The following SVOP variants were observed in gnomAD, a reference collection of about 807,000 sequenced individuals.
The protein encoded by SVOP is SV2 related protein.
A neutral mutation model predicts 69.1 loss-of-function variants in SVOP; 17 were observed. The observed-to-expected ratio is 0.25, with a 90% CI of 0.17 to 0.37. SVOP has a LOEUF of 0.37. Ranked by LOEUF, SVOP falls within the 10% of genes least tolerant of loss-of-function variation. The pLI, the probability that SVOP is intolerant of heterozygous loss-of-function variation, is 1.00. For synonymous variants in SVOP, 238 were observed against 238.6 expected (o/e 1.00, Z 0.02); for missense variants, 435 against 597.5 (o/e 0.73, Z 2.84).
chr12:109,019,384 A>G (rs1484397152), intron 1 of SVOP, among the ~76,000 whole-genome samples: 1 of 152,194 alleles, frequency 6.6e-6, no homozygotes, highest in Non-Finnish European at 1.5e-5. Context: ...TCATATACAC[A>G]TGAATCTTTG....
rs2039944479 is a variant in SVOP, at chr12:108,949,758, A to G, written c.579-4592T>C. On this transcript the variant is annotated intron_variant, in intron 6 of 15. Coordinates refer to ENST00000610966, the MANE Select transcript of SVOP (RefSeq NM_018711.5). ...GTCAGCGTTCCACCCAAACATCCCC[A>G]TTCTTAGCATGTCCACGCATGCCAG... Among the ~76,000 whole-genome samples the G allele has an allele frequency of 2.7e-5, 4 of 148,594 alleles. No homozygotes were observed. In the South Asian group the frequency reaches 8.5e-4, roughly 31 times the overall value.
intron 1 of SVOP, among the ~76,000 whole-genome samples, chr12:109,009,973 C>T (rs573409589): frequency 3.4e-4 from 51 of 151,910 alleles, no homozygotes; most frequent in African/African-American, 1.2e-3. Flanking sequence ...AATAATTACA[C>T]CAGCCTGGGC....
intron 1 of SVOP, among the ~76,000 whole-genome samples, chr12:108,987,809 T>C (rs1161142698): frequency 6.6e-6 from 1 of 152,228 alleles, no homozygotes; most frequent in Non-Finnish European, 1.5e-5. Context: ...CTTGTACTTC[T>C]TTCTGTATTC....
intron 5 of SVOP, among the ~76,000 whole-genome samples, chr12:108,971,676 A>G (rs145029854): frequency 3.9e-5 from 6 of 152,292 alleles, no homozygotes; most frequent in Non-Finnish European, 7.4e-5. Context: ...GAGAAGTGAG[A>G]CAGGGAAGGG....
chr12:108,915,172 CAAAAA>C (rs78563087), intron 15 of SVOP, among the ~76,000 whole-genome samples: 3 of 113,966 alleles, frequency 2.6e-5, no homozygotes, highest in Non-Finnish European at 5.4e-5. Context: ...GACTCCATCC[CAAAAA>C]AAAAAAAAAA....
chr12:108,970,887 G>A (rs1358667135), intron 5 of SVOP, among the ~76,000 whole-genome samples: 1 of 151,706 alleles, frequency 6.6e-6, no homozygotes, highest in Non-Finnish European at 1.5e-5. Context: ...GGGCATGGTG[G>A]CACAAGTCTT....
chr12:109,017,441 C>T (rs754145320), intron 1 of SVOP, among the ~76,000 whole-genome samples: 7 of 151,940 alleles, frequency 4.6e-5, no homozygotes, highest in African/African-American at 1.5e-4. Flanking sequence ...CTGGCCTACA[C>T]GTATGCTGTC....
chr12:108,996,340 T>C (rs1346203785), intron 1 of SVOP, among the ~76,000 whole-genome samples: 1 of 152,116 alleles, frequency 6.6e-6, no homozygotes, highest in Non-Finnish European at 1.5e-5. Flanking sequence ...AACATATTAC[T>C]TGAGGTCAGG....
At chr12:108,912,796 G>T in intron 15 of SVOP, 55 bp from the exon 16 acceptor site, 2 of 1,537,010 alleles carry the variant, frequency 1.3e-6, no homozygotes, top group Admixed American at 1.9e-5. Flanking sequence ...CACAGACATC[G>T]CCAACCATCA....
At chr12:108,988,608 C>A (rs1326385866) in intron 1 of SVOP, among the ~76,000 whole-genome samples, 1 of 152,104 alleles carries the variant, frequency 6.6e-6, no homozygotes, top group Non-Finnish European at 1.5e-5. Flanking sequence ...TTAAGCCACA[C>A]CCAAGTAAGT....
chr12:108,965,572 A>T (rs1027280032), intron 5 of SVOP, among the ~76,000 whole-genome samples: 1 of 152,208 alleles, frequency 6.6e-6, no homozygotes, highest in Non-Finnish European at 1.5e-5. Context: ...ATTTTTATGC[A>T]AGATGTCATT....
rs555818664 is a variant in SVOP at position 108,997,275 on chromosome 12, C to T, written c.36-13514G>A. On this transcript the variant is annotated intron_variant, in intron 1 of 15. Transcript: ENST00000610966. ...GACCGGCTTAAAAAACGGCGCACCA[C>T]GAGATTATATTCCGCACCTGGCTCG... 6.0e-5 allele frequency among the ~76,000 whole-genome samples: 9 copies of T among 150,542 alleles called. No homozygotes were observed. The South Asian group carries it at 6.3e-4, about 11-fold the overall frequency.
At chr12:108,941,411 A>G (rs760983998) in intron 7 of SVOP, among the ~76,000 whole-genome samples, 6 of 152,136 alleles carry the variant, frequency 3.9e-5, no homozygotes, top group Non-Finnish European at 8.8e-5. Context: ...TTTTTAGTAG[A>G]GACAGGGTTT....
At position 108,949,416 on chromosome 12, in the gene SVOP, T is replaced by G. The variant is rs190080978; in HGVS notation, c.579-4250A>C. ...CCAAGTAGCTGGGATTACAGGTGCA[T>G]GCCACAATGCCCAGCTAATTTTTTT... is the stretch of plus-strand genomic sequence containing the variant. On this transcript the variant is annotated intron_variant, in intron 6 of 15. Transcript: ENST00000610966. Among the ~76,000 whole-genome samples, 38 of 152,118 alleles carry G rather than the reference T, an allele frequency of 2.5e-4. No individual in the cohort carries two copies. In the Middle Eastern group the frequency reaches 0.017, roughly 69 times the overall value.
At chr12:109,019,005 G>A (rs2040382665) in intron 1 of SVOP, among the ~76,000 whole-genome samples, 1 of 152,114 alleles carries the variant, frequency 6.6e-6, no homozygotes, top group Non-Finnish European at 1.5e-5. Context: ...GCATAGTAAG[G>A]ATTTGAACCC....
intron 6 of SVOP, 94 bp downstream of exon 6, chr12:108,960,829 T>C: frequency 6.9e-7 from 1 of 1,445,872 alleles, no homozygotes; most frequent in Non-Finnish European, 9.2e-7. Context: ...GCACCCCTGC[T>C]GCCCCATCTC....
chr12:108,916,397 C>G (rs1039675333), intron 14 of SVOP, among the ~76,000 whole-genome samples: 1 of 152,168 alleles, frequency 6.6e-6, no homozygotes, highest in Non-Finnish European at 1.5e-5. Context: ...CTGCTGGCTG[C>G]GAGAAGGACT....
At chr12:108,932,981 C>T (rs1453721920) in intron 11 of SVOP, among the ~76,000 whole-genome samples, 2 of 152,082 alleles carry the variant, frequency 1.3e-5, no homozygotes, top group South Asian at 2.1e-4. Flanking sequence ...TGAGTCCAAG[C>T]GATTCTCCTG....
Position 108,922,745 on chromosome 12 carries a change from G to A in SVOP, c.1101C>T (p.Tyr367=). The A allele has an allele frequency of 6.2e-7, 1 of 1,611,754 alleles. No individual in the cohort carries two copies. Among genetic ancestry groups the A allele is most frequent in the Non-Finnish European group, 8.5e-7 (1 of 1,179,228 alleles). The change falls in exon 12 of 16, where the codon TAC becomes TAT. Residue 367 remains tyrosine (Y), a synonymous_variant. Coordinates refer to ENST00000610966, the MANE Select transcript of SVOP (RefSeq NM_018711.5). The part of the protein sequence containing the change: ...VEAKCSLACE[Y]LSEEDYMDLL... ...AGTCCATGTAATCCTCCTCACTCAG[G>A]TACTCGCAGGCCAGGCTGCATTTTG...
Sources: gnomAD v4.1 joint callset for allele counts (sites outside exome capture counted in the v4.1 genomes callset) on GRCh38, gnomAD v4.1.1 for gene constraint, MANE v1.5 for transcripts, NCBI Gene and HGNC (gene_info 2026-07-23, HGNC 2026-07-21) for gene names.